Variants in HABP4 observed in about 807,000 individuals in gnomAD.
HABP4 encodes intracellular hyaluronan-binding protein 4.
Under a neutral mutation model 44.1 loss-of-function variants are expected in HABP4, and 32 were observed. The ratio of observed to expected loss-of-function variants is 0.73; its 90% CI spans 0.55 to 0.97. The LOEUF (loss-of-function observed/expected upper bound fraction) is 0.97. Among genes scored for constraint, HABP4 ranks in the 50% least tolerant of loss-of-function variants. The pLI is 0.00. For synonymous variants in HABP4, 216 were observed against 218.0 expected, an observed-to-expected ratio of 0.99 and a Z score of 0.08; for missense variants, 503 against 561.9, an observed-to-expected ratio of 0.90 and a Z score of 1.06.
intron 2 of HABP4, among the ~76,000 whole-genome samples, chr9:96,461,844 A>G (rs1832504833): frequency 6.6e-6 from 1 of 152,166 alleles, no homozygotes; most frequent in Non-Finnish European, 1.5e-5. Flanking sequence ...ATCATATTCA[A>G]GCTTGGGGAA....
At chr9:96,452,911 GTTT>G (rs71368266) in intron 1 of HABP4, among the ~76,000 whole-genome samples, 159 of 63,170 alleles carry the variant, frequency 2.5e-3, no homozygotes, top group African/African-American at 4.7e-3. Context: ...ATGGAAAAGG[GTTT>G]TTTTTTTTTT....
chr9:96,462,145 CAAA>C (rs757601268), intron 2 of HABP4, among the ~76,000 whole-genome samples: 5 of 100,364 alleles, frequency 5.0e-5, no homozygotes, highest in Non-Finnish European at 8.2e-5. Context: ...GATTCTGTCT[CAAA>C]AAAAAAAAAA....
intron 1 of HABP4, chr9:96,451,374 GGA>G: frequency 2.1e-6 from 1 of 469,610 alleles, no homozygotes. Flanking sequence ...TGCTGCCTGT[GGA>G]CGGGGAGGGT....
chr9:96,451,657 AT>A (rs1832280342), intron 1 of HABP4, among the ~76,000 whole-genome samples: 1 of 152,122 alleles, frequency 6.6e-6, no homozygotes, highest in African/African-American at 2.4e-5. Context: ...CAGCTGGGTA[AT>A]GTTTACCTTT....
At chr9:96,462,974 T>C (rs942834886) in intron 2 of HABP4, among the ~76,000 whole-genome samples, 36 of 152,260 alleles carry the variant, frequency 2.4e-4, no homozygotes, top group African/African-American at 6.7e-4. Flanking sequence ...ACTTTAGATT[T>C]CTTTTTTTGC....
At chr9:96,460,809 C>T (rs1007424344) in intron 2 of HABP4, among the ~76,000 whole-genome samples, 2 of 152,192 alleles carry the variant, frequency 1.3e-5, no homozygotes, top group African/African-American at 4.8e-5. Context: ...CATCGCAGTA[C>T]AGATATGTAG....
At chr9:96,472,031 C>T (rs1372639355) in intron 5 of HABP4, among the ~76,000 whole-genome samples, 1 of 152,066 alleles carries the variant, frequency 6.6e-6, no homozygotes, top group Non-Finnish European at 1.5e-5. Context: ...TCAGGTGATC[C>T]GCCCATCTCA....
chr9:96,470,215 G>A (rs1213961548), intron 4 of HABP4, among the ~76,000 whole-genome samples: 1 of 152,114 alleles, frequency 6.6e-6, no homozygotes, highest in Non-Finnish European at 1.5e-5. Flanking sequence ...AGGCTGAGGT[G>A]GGAAGTTCTC....
rs1832373143 is a variant in HABP4 at position 96,456,240 on chromosome 9, T to C, written c.350-2139T>C. Among the ~76,000 whole-genome samples the C allele has an allele frequency of 2.6e-5, 4 of 152,278 alleles. No homozygotes were observed. The South Asian group carries it at 8.3e-4, about 32-fold the overall frequency. The stretch of plus-strand genomic sequence containing the variant: ...TGAATTTAGATCTGTTGTGCAGCTT[T>C]CACACTTGAAAAAAATACTTTAACA... On this transcript the variant is annotated intron_variant, in intron 1 of 7. Transcript: ENST00000375249.
intron 4 of HABP4, among the ~76,000 whole-genome samples, chr9:96,467,171 C>T (rs1431743071): frequency 6.6e-6 from 1 of 152,086 alleles, no homozygotes; most frequent in Non-Finnish European, 1.5e-5. Flanking sequence ...AATCCACCTG[C>T]CTTGGCCTCC....
chr9:96,456,527 G>A (rs949562548), intron 1 of HABP4, among the ~76,000 whole-genome samples: 6 of 151,874 alleles, frequency 4.0e-5, no homozygotes, highest in East Asian at 1.9e-4. Flanking sequence ...TTGGGAGGCC[G>A]AGGTGAGCAG....
chr9:96,451,179 G>A (rs1322838041), intron 1 of HABP4, among the ~76,000 whole-genome samples: 1 of 152,230 alleles, frequency 6.6e-6, no homozygotes. Context: ...CCCCTTCTCC[G>A]TCCGGTAGCT....
intron 5 of HABP4, among the ~76,000 whole-genome samples, chr9:96,478,292 C>G (rs922390757): frequency 6.6e-6 from 1 of 152,112 alleles, no homozygotes; most frequent in African/African-American, 2.4e-5. Context: ...GCCACTACAC[C>G]CAGCTAATTT....
intron 5 of HABP4, among the ~76,000 whole-genome samples, chr9:96,476,053 A>G (rs142803501): frequency 2.6e-4 from 39 of 152,202 alleles, no homozygotes; most frequent in African/African-American, 9.2e-4. Flanking sequence ...GATGTTTTGT[A>G]TCTTTCTTCT....
chr9:96,458,005 T>C (rs1832427571), intron 1 of HABP4, among the ~76,000 whole-genome samples: 1 of 152,174 alleles, frequency 6.6e-6, no homozygotes, highest in Non-Finnish European at 1.5e-5. Context: ...TATAGGGTAT[T>C]CTTTCATTTT....
intron 4 of HABP4, among the ~76,000 whole-genome samples, chr9:96,466,044 CAT>C (rs1832595362): frequency 6.6e-6 from 1 of 152,168 alleles, no homozygotes; most frequent in Admixed American, 6.5e-5. Context: ...ATGCCTCAAA[CAT>C]ATGGCACTGT....
chr9:96,474,502 T>A (rs900470157), intron 5 of HABP4, among the ~76,000 whole-genome samples: 7 of 152,218 alleles, frequency 4.6e-5, no homozygotes, highest in African/African-American at 1.4e-4. Flanking sequence ...TTGTTGACTG[T>A]CTGTCTGCAG....
At chr9:96,456,704 G>A (rs1425069268) in intron 1 of HABP4, among the ~76,000 whole-genome samples, 7 of 140,918 alleles carry the variant, frequency 5.0e-5, no homozygotes, top group African/African-American at 1.9e-4. Flanking sequence ...TGCTTGCAGT[G>A]AGCCGAGATG....
chr9:96,479,620 C>T (rs576732303), intron 5 of HABP4, among the ~76,000 whole-genome samples: 28 of 152,080 alleles, frequency 1.8e-4, no homozygotes, highest in African/African-American at 5.8e-4. Context: ...AAGCGATTCT[C>T]CTGCCTCAGC....
Sources: allele counts gnomAD v4.1 joint callset (sites outside exome capture counted in the v4.1 genomes callset), GRCh38; gene constraint gnomAD v4.1.1; transcripts MANE v1.5; gene names NCBI Gene and HGNC (gene_info 2026-07-23, HGNC 2026-07-21).